QKI: variants seen among roughly 807,000 people sequenced by gnomAD.
The protein encoded by QKI is QKI, KH domain containing RNA binding, also known as KH domain-containing RNA-binding protein QKI.
In QKI, 10 loss-of-function variants were observed where a neutral mutation model predicts 39.0. That is an observed-to-expected ratio of 0.26 (90% CI 0.16 to 0.43). The LOEUF (loss-of-function observed/expected upper bound fraction) is 0.43, where lower values mean the gene tolerates loss of function less well. Among genes scored for constraint, QKI ranks in the 20% least tolerant of loss-of-function variants. QKI has a pLI of 1.00. For missense variants in QKI, 218 were observed against 428.0 expected (o/e 0.51, Z 4.33); for synonymous variants, 204 against 155.4 (o/e 1.31, Z -2.33).
intron 3 of QKI, among the ~76,000 whole-genome samples, chr6:163,519,138 T>C (rs1294583401): frequency 1.3e-5 from 2 of 152,186 alleles, no homozygotes; most frequent in East Asian, 3.9e-4. Context: ...TTGAACATGA[T>C]ATATCCTCTC....
intron 4 of QKI, among the ~76,000 whole-genome samples, chr6:163,541,192 G>A (rs761762484): frequency 3.3e-5 from 5 of 151,848 alleles, no homozygotes; most frequent in Non-Finnish European, 7.4e-5. Flanking sequence ...CAGTGCAAAA[G>A]TTTTTTCCAA....
chr6:163,540,432 C>T (rs1781440595), intron 4 of QKI, among the ~76,000 whole-genome samples: 1 of 152,136 alleles, frequency 6.6e-6, no homozygotes, highest in African/African-American at 2.4e-5. Context: ...CATCAGTTTG[C>T]ATAACTTTAC....
chr6:163,427,330 A>G (rs1788488287), intron 1 of QKI, among the ~76,000 whole-genome samples: 1 of 140,776 alleles, frequency 7.1e-6, no homozygotes, highest in South Asian at 2.2e-4. Context: ...ATTCTACAAT[A>G]TTAAGGAAAA....
chr6:163,510,948 G>A (rs896588743), intron 3 of QKI, among the ~76,000 whole-genome samples: 1 of 152,202 alleles, frequency 6.6e-6, no homozygotes, highest in East Asian at 1.9e-4. Flanking sequence ...TTTATTAAAC[G>A]TTATATCTTA....
chr6:163,445,688 C>T (rs1790099740), intron 1 of QKI, among the ~76,000 whole-genome samples: 1 of 150,968 alleles, frequency 6.6e-6, no homozygotes, highest in Non-Finnish European at 1.5e-5. Context: ...CATCTCGGCT[C>T]ACTCCAGGCT....
chr6:163,517,651 T>C (rs992541484), intron 3 of QKI, among the ~76,000 whole-genome samples: 2 of 152,136 alleles, frequency 1.3e-5, no homozygotes, highest in East Asian at 3.9e-4. Context: ...CTGTTTTCCA[T>C]TTATAGTCCA....
chr6:163,563,604 A>G lies in QKI; in HGVS notation c.819A>G (p.Ala273=). 2 of 1,614,198 alleles carry G rather than the reference A, an allele frequency of 1.2e-6. No individual in the cohort carries two copies. The highest frequency in any genetic ancestry group is 1.7e-6 in the Non-Finnish European group (2 of 1,180,042). The change falls in exon 6 of 8, where the codon GCA becomes GCG. Residue 273 remains alanine (A), a synonymous_variant. Transcript: ENST00000361752. ...ACGGAACTCCTCACCCAACTGCTGCAATAGTTCCTCCAGGGCCCGAAGCTG... is the reference window on the plus strand; with the variant it reads ...ACGGAACTCCTCACCCAACTGCTGCGATAGTTCCTCCAGGGCCCGAAGCTG... ...MPNGTPHPTA[A]IVPPGPEAGL...
chr6:163,515,442 A>T (rs1278473487), intron 3 of QKI, among the ~76,000 whole-genome samples: 2 of 152,098 alleles, frequency 1.3e-5, no homozygotes. Flanking sequence ...AGGATTGTTT[A>T]TAATAATAAT....
chr6:163,506,479 C>A (rs75751383), intron 3 of QKI, among the ~76,000 whole-genome samples: 1 of 152,142 alleles, frequency 6.6e-6, no homozygotes. Context: ...TACCCTTTTA[C>A]ATCACATGAT....
At chr6:163,542,948 A>G (rs886920162) in intron 4 of QKI, among the ~76,000 whole-genome samples, 1 of 125,708 alleles carries the variant, frequency 8.0e-6, no homozygotes, top group East Asian at 2.7e-4. Context: ...AAAAAACTAC[A>G]TGTTATAGAA....
chr6:163,561,976 G>C lies in QKI; in HGVS notation c.547-6G>C, dbSNP rs769375771. On this transcript the variant is annotated splice_region_variant and splice_polypyrimidine_tract_variant and intron_variant, in intron 4 of 7. Coordinates refer to ENST00000361752, the MANE Select transcript of QKI (RefSeq NM_006775.3). Reference sequence around the variant, plus strand: ...TGCTTTCATCTCATGTGTTTTCCATGTATAGGCAGAAGGAGAAGACAGCCT... The same window carrying C: ...TGCTTTCATCTCATGTGTTTTCCATCTATAGGCAGAAGGAGAAGACAGCCT... 6.2e-7 allele frequency: 1 copy of C among 1,611,060 alleles called. No individual in the cohort carries two copies. The highest frequency in any genetic ancestry group is 1.1e-5 in the South Asian group (1 of 90,796).
intron 3 of QKI, among the ~76,000 whole-genome samples, chr6:163,528,542 A>T (rs1400232351): frequency 6.6e-6 from 1 of 152,164 alleles, no homozygotes. Flanking sequence ...ACTTATGAGG[A>T]TTGAATGAGG....
At chr6:163,435,190 C>T (rs780910189) in intron 1 of QKI, among the ~76,000 whole-genome samples, 4 of 152,116 alleles carry the variant, frequency 2.6e-5, no homozygotes, top group Non-Finnish European at 4.4e-5. Context: ...CTGTAAGTTA[C>T]GCAATTGTTA....
chr6:163,532,187 GTTT>G (rs1780904172), intron 3 of QKI, among the ~76,000 whole-genome samples: 1 of 152,076 alleles, frequency 6.6e-6, no homozygotes, highest in East Asian at 1.9e-4. Flanking sequence ...TCAAATTTTA[GTTT>G]TTATTCTTAA....
intron 4 of QKI, among the ~76,000 whole-genome samples, chr6:163,540,147 A>T (rs1289011735): frequency 6.6e-6 from 1 of 152,006 alleles, no homozygotes; most frequent in Non-Finnish European, 1.5e-5. Context: ...TTTTTTAGAA[A>T]GACAAAGAGT....
At chr6:163,519,568 ATAAGT>A (rs1462020992) in intron 3 of QKI, among the ~76,000 whole-genome samples, 3 of 151,768 alleles carry the variant, frequency 2.0e-5, no homozygotes, top group Non-Finnish European at 4.4e-5. Context: ...CATGTGAAAA[ATAAGT>A]TAATATCTAC....
At chr6:163,516,020 CT>C (rs61523752) in intron 3 of QKI, among the ~76,000 whole-genome samples, 119,231 of 151,770 alleles carry the variant, frequency 0.79, 46,979 homozygotes, top group East Asian at 1. Context: ...GTGATATAAT[CT>C]GATTATTTTT....
intron 4 of QKI, among the ~76,000 whole-genome samples, chr6:163,553,538 T>G (rs184191177): frequency 1.7e-4 from 25 of 148,882 alleles, no homozygotes; most frequent in Non-Finnish European, 3.0e-4. Flanking sequence ...TTTGGAGGTG[T>G]TTTTTTTTTA....
intron 3 of QKI, among the ~76,000 whole-genome samples, chr6:163,515,438 G>A (rs1003562881): frequency 1.3e-5 from 2 of 152,012 alleles, no homozygotes; most frequent in Non-Finnish European, 2.9e-5. Flanking sequence ...CTGCAGGATT[G>A]TTTATAATAA....
Sources: gnomAD v4.1 joint callset for allele counts (sites outside exome capture counted in the v4.1 genomes callset) on GRCh38, gnomAD v4.1.1 for gene constraint, MANE v1.5 for transcripts, NCBI Gene and HGNC (gene_info 2026-07-23, HGNC 2026-07-21) for gene names.